The following ZNF644 variants were observed in gnomAD, a reference collection of about 807,000 sequenced individuals.
The protein encoded by ZNF644 is zinc finger motif enhancer binding protein 2.
In ZNF644, 20 loss-of-function variants were observed where a neutral mutation model predicts 108.0. The observed-to-expected ratio is 0.19, with a 90% confidence interval of 0.13 to 0.27. The LOEUF (loss-of-function observed/expected upper bound fraction) is 0.27, where lower values mean the gene tolerates loss of function less well. Among genes scored for constraint, ZNF644 ranks in the 10% least tolerant of loss-of-function variants. The pLI is 1.00. For missense variants in ZNF644, 1,338 were observed against 1,548.9 expected (o/e 0.86, Z 2.29); for synonymous variants, 542 against 539.1 (o/e 1.01, Z -0.08).
intron 4 of ZNF644, among the ~76,000 whole-genome samples, chr1:90,933,848 T>A (rs1229843418): frequency 6.6e-6 from 1 of 152,348 alleles, no homozygotes; most frequent in East Asian, 1.9e-4. Flanking sequence ...ACAACCTTGC[T>A]ACTTATTAAC....
At chr1:90,926,029 G>T (rs1308201095) in intron 4 of ZNF644, among the ~76,000 whole-genome samples, 1 of 152,030 alleles carries the variant, frequency 6.6e-6, no homozygotes, top group East Asian at 1.9e-4. Context: ...TCCTTCCTAA[G>T]AGTTAAAAAG....
intron 1 of ZNF644, among the ~76,000 whole-genome samples, chr1:90,993,820 G>A (rs1165826094): frequency 6.6e-6 from 1 of 152,046 alleles, no homozygotes; most frequent in Admixed American, 6.6e-5. Context: ...CAACTTTACT[G>A]GATCCAGCAA....
At chr1:90,984,886 A>G (rs1411058889) in intron 1 of ZNF644, among the ~76,000 whole-genome samples, 1 of 152,222 alleles carries the variant, frequency 6.6e-6, no homozygotes, top group African/African-American at 2.4e-5. Context: ...GTCCTAGCAG[A>G]TCAATGCATA....
At chr1:90,975,500 C>G (rs184125515) in intron 2 of ZNF644, among the ~76,000 whole-genome samples, 2 of 150,354 alleles carry the variant, frequency 1.3e-5, no homozygotes, top group African/African-American at 4.9e-5. Context: ...CGCAATGGCG[C>G]GATCTCGGCT....
intron 4 of ZNF644, among the ~76,000 whole-genome samples, chr1:90,936,647 A>C (rs750283551): frequency 6.6e-6 from 1 of 152,214 alleles, no homozygotes; most frequent in Non-Finnish European, 1.5e-5. Context: ...GACCATTTAC[A>C]TAAACCTTCA....
intron 4 of ZNF644, among the ~76,000 whole-genome samples, chr1:90,935,898 A>G (rs901241224): frequency 1.3e-5 from 2 of 152,220 alleles, no homozygotes; most frequent in African/African-American, 2.4e-5. Flanking sequence ...AGCTTACAAC[A>G]TTACCAATAA....
Position 90,940,651 on chromosome 1 carries a change from C to A in ZNF644, c.703G>T (p.Asp235Tyr). The change falls in exon 3 of 6, where the codon GAT becomes TAT. Residue 235 changes from aspartate (D) to tyrosine (Y), a missense_variant. By Grantham distance (160) the Asp-to-Tyr change is radical (BLOSUM62 -3). Coordinates refer to ENST00000337393, the MANE Select transcript of ZNF644 (RefSeq NM_201269.3). ...CCCGTTACTGTATTGACACAATCAT[C>A]TTTCACCAATAAATCTTCACCATCC... ...GEDGEDLLVK[D>Y]DCVNTVTGIS... is the part of the protein sequence containing the mutation. 6.2e-7 allele frequency: 1 copy of A among 1,614,036 alleles called. No homozygotes were observed. The highest frequency in any genetic ancestry group is 8.5e-7 in the Non-Finnish European group (1 of 1,179,972).
chr1:90,927,491 GAAC>G (rs1373836399), intron 4 of ZNF644, among the ~76,000 whole-genome samples: 1 of 152,108 alleles, frequency 6.6e-6, no homozygotes, highest in African/African-American at 2.4e-5. Flanking sequence ...GCAAAAATAA[GAAC>G]AACATTTTGG....
intron 1 of ZNF644, among the ~76,000 whole-genome samples, chr1:91,007,247 T>A (rs1659540341): frequency 7.0e-6 from 1 of 142,386 alleles, no homozygotes; most frequent in Non-Finnish European, 1.5e-5. Flanking sequence ...TTTTTTTTTT[T>A]TTTTTTGAGA....
intron 1 of ZNF644, among the ~76,000 whole-genome samples, chr1:90,999,729 A>T (rs1658560424): frequency 1.3e-5 from 2 of 152,240 alleles, no homozygotes; most frequent in Admixed American, 1.3e-4. Flanking sequence ...TCCAATTAAA[A>T]GACACAGACT....
intron 2 of ZNF644, among the ~76,000 whole-genome samples, chr1:90,953,622 G>T (rs1653428057): frequency 6.6e-6 from 1 of 152,078 alleles, no homozygotes; most frequent in South Asian, 2.1e-4. Context: ...ATAGCTTAAA[G>T]TATTCTATTG....
chr1:90,939,133 T>C lies in ZNF644; in HGVS notation c.2221A>G (p.Arg741Gly). The change falls in exon 3 of 6, where the codon AGA (arginine) becomes GGA (glycine). Residue 741 changes from arginine to glycine, a missense_variant. Physicochemically the swap from Arg to Gly is moderately radical, Grantham distance 125. Transcript: ENST00000337393. ...NAKANSHYLYRHKYENYRMIK... is the reference protein window; with the variant it reads ...NAKANSHYLYGHKYENYRMIK... ...ATCCTATAGTTTTCATATTTGTGTC[T>C]ATACAAATAGTGGCTATTTGCCTTG... is the stretch of plus-strand genomic sequence containing the variant. 6.2e-7 allele frequency: 1 copy of C among 1,613,818 alleles called. No homozygotes were observed. The highest frequency in any genetic ancestry group is 8.5e-7 in the Non-Finnish European group (1 of 1,179,902).
intron 2 of ZNF644, among the ~76,000 whole-genome samples, chr1:90,958,129 G>A (rs928229490): frequency 2.0e-5 from 3 of 150,878 alleles, no homozygotes; most frequent in Non-Finnish European, 4.4e-5. Flanking sequence ...CTAGCTGGGC[G>A]TGGTAGTGGG....
chr1:90,987,573 T>C (rs186456065), intron 1 of ZNF644, among the ~76,000 whole-genome samples: 18 of 152,162 alleles, frequency 1.2e-4, no homozygotes, highest in Middle Eastern at 3.4e-3. Flanking sequence ...CAGGACCAGA[T>C]GGCTTTGCTA....
At chr1:90,955,449 T>C (rs1420674884) in intron 2 of ZNF644, among the ~76,000 whole-genome samples, 1 of 152,228 alleles carries the variant, frequency 6.6e-6, no homozygotes, top group Non-Finnish European at 1.5e-5. Flanking sequence ...CTGTTTCATC[T>C]ACACTGAAAA....
intron 4 of ZNF644, among the ~76,000 whole-genome samples, chr1:90,929,312 A>G (rs1319945661): frequency 6.6e-6 from 1 of 152,152 alleles, no homozygotes; most frequent in Non-Finnish European, 1.5e-5. Context: ...TCAATTTTTG[A>G]TAGTTTTATG....
chr1:90,925,382 A>G (rs1283020540), intron 4 of ZNF644, among the ~76,000 whole-genome samples: 1 of 152,122 alleles, frequency 6.6e-6, no homozygotes, highest in Non-Finnish European at 1.5e-5. Flanking sequence ...TTTTTTCTTA[A>G]AAATTCACTT....
chr1:91,006,799 CCT>C (rs1171316948), intron 1 of ZNF644, among the ~76,000 whole-genome samples: 8 of 152,064 alleles, frequency 5.3e-5, no homozygotes, highest in Admixed American at 3.3e-4. Flanking sequence ...CTGGATCCCC[CCT>C]CTTTTTAGTT....
intron 1 of ZNF644, among the ~76,000 whole-genome samples, chr1:90,994,899 C>T (rs1165893009): frequency 6.6e-6 from 1 of 152,050 alleles, no homozygotes; most frequent in East Asian, 1.9e-4. Context: ...CAGAGATGGC[C>T]GTGGCTGCAT....
Sources: allele counts gnomAD v4.1 joint callset (sites outside exome capture counted in the v4.1 genomes callset), GRCh38; gene constraint gnomAD v4.1.1; transcripts MANE v1.5; gene names NCBI Gene and HGNC (gene_info 2026-07-23, HGNC 2026-07-21).